The following XPO7 variants were observed in gnomAD, a reference collection of about 807,000 sequenced individuals.
XPO7 encodes exportin 7.
Under a neutral mutation model 144.3 loss-of-function variants are expected in XPO7, and 21 were observed. The observed-to-expected ratio is 0.15, with a 90% confidence interval of 0.10 to 0.21. The LOEUF is 0.21. Ranked by LOEUF, XPO7 falls within the 10% of genes least tolerant of loss-of-function variation. The probability of loss-of-function intolerance (pLI) is 1.00; values close to 1 mark genes in which losing one functional copy is unlikely to be tolerated. For synonymous variants in XPO7, 580 were observed against 499.6 expected, an observed-to-expected ratio of 1.16 and a Z score of -2.15; for missense variants, 808 against 1,325.8, an observed-to-expected ratio of 0.61 and a Z score of 6.06.
In XPO7 at chr8:22,005,045, A is replaced by T; in HGVS notation, c.3221A>T (p.Lys1074Met). ...AFRREVNDSMKNSTYGVNSND... is the reference protein window; with the variant it reads ...AFRREVNDSMMNSTYGVNSND... ...CGTCGAGAAGTCAACGACTCAATGA[A>T]GAATTCCACTTATGGCGTGAATAGC... The change falls in exon 28 of 28, where the codon AAG becomes ATG. Residue 1074 changes from lysine to methionine, a missense_variant. Physicochemically the swap from Lys to Met is moderately conservative, Grantham distance 95. Coordinates refer to ENST00000252512, the MANE Select transcript of XPO7 (RefSeq NM_015024.5). 1 of 1,613,388 alleles carries T rather than the reference A, an allele frequency of 6.2e-7. No individual in the cohort carries two copies. The highest frequency in any genetic ancestry group is 8.5e-7 in the Non-Finnish European group (1 of 1,179,610).
chr8:21,938,099 A>G (rs944146310), intron 1 of XPO7, among the ~76,000 whole-genome samples: 3 of 152,208 alleles, frequency 2.0e-5, no homozygotes, highest in Non-Finnish European at 4.4e-5. Context: ...GATATTAACA[A>G]TAGTAAAAAT....
intron 1 of XPO7, 137 bp downstream of exon 1, chr8:21,919,925 C>T: frequency 5.2e-6 from 1 of 192,982 alleles, no homozygotes; most frequent in East Asian, 1.3e-4. Context: ...TCTGGAGCCG[C>T]CGCCCGTCCC....
intron 1 of XPO7, among the ~76,000 whole-genome samples, chr8:21,922,708 A>G (rs1810329035): frequency 6.6e-6 from 1 of 152,312 alleles, no homozygotes; most frequent in Non-Finnish European, 1.5e-5. Flanking sequence ...GAAGGAAAGA[A>G]TATGATTTAT....
Position 22,002,262 on chromosome 8 carries a change from T to C in XPO7, c.2933T>C (p.Met978Thr), listed in dbSNP as rs1455499710. 2 of 1,612,526 alleles carry C rather than the reference T, an allele frequency of 1.2e-6. No homozygotes were observed. Among genetic ancestry groups the C allele is most frequent in the Non-Finnish European group, 1.7e-6 (2 of 1,179,388 alleles). Reference protein sequence around the residue: ...FLHIMQQHPEMIQQMLSTVLN... With the variant: ...FLHIMQQHPETIQQMLSTVLN... ...CACATCATGCAGCAGCATCCAGAGA[T>C]GATCCAGCAGGTAAGAAAGTGGAGG... The change falls in exon 25 of 28, where the codon ATG (methionine) becomes ACG (threonine). Residue 978 changes from methionine to threonine, a missense_variant. Met to Thr is a moderately conservative substitution (Grantham distance 81). Coordinates refer to ENST00000252512, the MANE Select transcript of XPO7 (RefSeq NM_015024.5).
At chr8:21,985,436 T>G in intron 12 of XPO7, 150 bp from the exon 13 acceptor site, 3 of 721,446 alleles carry the variant, frequency 4.2e-6, no homozygotes, top group Non-Finnish European at 7.1e-6. Flanking sequence ...AGCATTGCCC[T>G]TACCAAAGCA....
intron 1 of XPO7, among the ~76,000 whole-genome samples, chr8:21,954,546 A>T (rs772519171): frequency 2.0e-5 from 3 of 152,186 alleles, no homozygotes; most frequent in Non-Finnish European, 2.9e-5. Flanking sequence ...AGGCAGGAGA[A>T]TCGCTTGAAC....
At chr8:22,003,863 C>T (rs1450995470) in intron 26 of XPO7, 40 bp from the exon 27 acceptor site, 5 of 1,612,118 alleles carry the variant, frequency 3.1e-6, no homozygotes, top group Non-Finnish European at 4.2e-6. Context: ...TCTGCCTTCC[C>T]CTGCTTCTCT....
chr8:21,951,906 A>T (rs1189189048), intron 1 of XPO7, among the ~76,000 whole-genome samples: 1 of 152,234 alleles, frequency 6.6e-6, no homozygotes, highest in Non-Finnish European at 1.5e-5. Flanking sequence ...CCTAGAAGTG[A>T]TGAAGAGACA....
At chr8:21,968,339 A>G (rs774738497) in intron 2 of XPO7, among the ~76,000 whole-genome samples, 29 of 152,356 alleles carry the variant, frequency 1.9e-4, no homozygotes, top group Admixed American at 3.3e-4. Context: ...AATATTGTTT[A>G]TACAGTAAAT....
chr8:21,978,403 G>A (rs1393724420), intron 8 of XPO7, among the ~76,000 whole-genome samples: 1 of 152,218 alleles, frequency 6.6e-6, no homozygotes, highest in East Asian at 1.9e-4. Flanking sequence ...ACCGGTTGGT[G>A]TTATACACAA....
chr8:21,956,819 G>A (rs985629407), intron 1 of XPO7, among the ~76,000 whole-genome samples: 1 of 150,260 alleles, frequency 6.7e-6, no homozygotes, highest in African/African-American at 2.5e-5. Context: ...TTGTTTTTTG[G>A]TCAAGTTTCC....
At chr8:21,923,198 G>T (rs762338266) in intron 1 of XPO7, among the ~76,000 whole-genome samples, 1 of 152,198 alleles carries the variant, frequency 6.6e-6, no homozygotes, top group Non-Finnish European at 1.5e-5. Context: ...GTGTGTGCAA[G>T]GCCCTTTCTG....
At chr8:21,999,489 G>C in intron 23 of XPO7, 47 bp from the exon 24 acceptor site, 1 of 1,610,634 alleles carries the variant, frequency 6.2e-7, no homozygotes, top group South Asian at 1.1e-5. Flanking sequence ...CTGCATGCTG[G>C]AGTGCATAGT....
rs368519170 is a variant in XPO7 at position 21,971,006 on chromosome 8, G to A, written c.426+696G>A. Among the ~76,000 whole-genome samples the A allele has an allele frequency of 1.7e-4, 26 of 152,188 alleles. No individual in the cohort carries two copies. The East Asian group carries it at 4.2e-3, about 25-fold the overall frequency. On this transcript the variant is annotated intron_variant, in intron 4 of 27. Coordinates refer to ENST00000252512, the MANE Select transcript of XPO7 (RefSeq NM_015024.5). ...TTTCAATCCTGTAAACTCCATTCAT[G>A]GTAAGCGCCCTATACAGGTGTAGCT...
At chr8:21,921,312 T>C (rs1445211816) in intron 1 of XPO7, 2 of 152,082 alleles carry the variant, frequency 1.3e-5, no homozygotes, top group African/African-American at 2.4e-5. Context: ...AGAATGATAA[T>C]GAGATTTGGT....
chr8:21,919,847 G>T (rs908634968), intron 1 of XPO7, 59 bp downstream of exon 1: 43 of 335,706 alleles, frequency 1.3e-4, no homozygotes, highest in Non-Finnish European at 1.8e-4. Flanking sequence ...GGAGTCGGGG[G>T]TGCACACGGC....
At chr8:21,932,855 A>G (rs1563310624) in intron 1 of XPO7, among the ~76,000 whole-genome samples, 1 of 152,208 alleles carries the variant, frequency 6.6e-6, no homozygotes, top group Non-Finnish European at 1.5e-5. Context: ...AGTAAATAAC[A>G]TACAGAATGG....
chr8:21,957,936 C>T (rs1262361680), intron 1 of XPO7, among the ~76,000 whole-genome samples: 2 of 151,912 alleles, frequency 1.3e-5, no homozygotes, highest in Non-Finnish European at 2.9e-5. Context: ...TTGGTAATTC[C>T]ACTGCTTAAA....
chr8:21,927,877 G>T (rs1037688217), intron 1 of XPO7, among the ~76,000 whole-genome samples: 2 of 152,038 alleles, frequency 1.3e-5, no homozygotes, highest in African/African-American at 4.8e-5. Context: ...TCCCATACCC[G>T]TCCCCTCAAA....
Sources: allele counts gnomAD v4.1 joint callset (sites outside exome capture counted in the v4.1 genomes callset), GRCh38; gene constraint gnomAD v4.1.1; transcripts MANE v1.5; gene names NCBI Gene and HGNC (gene_info 2026-07-23, HGNC 2026-07-21).